The following MRPL16 variants were observed in gnomAD, a reference collection of about 807,000 sequenced individuals.
MRPL16 encodes mitochondrial ribosomal protein L16, also known as large ribosomal subunit protein uL16m.
MRPL16 carries 17 observed loss-of-function variants against 22.7 expected under a neutral mutation model. The observed-to-expected ratio is 0.75, with a 90% CI of 0.51 to 1.12. The LOEUF (loss-of-function observed/expected upper bound fraction) is 1.12, where lower values mean the gene tolerates loss of function less well. Ranked by LOEUF, MRPL16 falls within the 50% of genes most tolerant of loss-of-function variation. The pLI, the probability that MRPL16 is intolerant of heterozygous loss-of-function variation, is 0.00. For synonymous variants in MRPL16, 103 were observed against 112.8 expected (o/e 0.91, Z 0.55); for missense variants, 316 against 328.7 (o/e 0.96, Z 0.30).
chr11:59,808,456 A>C lies in MRPL16; in HGVS notation c.122-607T>G, dbSNP rs540295443. On this transcript the variant is annotated intron_variant, in intron 2 of 3. Coordinates refer to ENST00000300151, the MANE Select transcript of MRPL16 (RefSeq NM_017840.4). Reference sequence around the variant, plus strand: ...TGAATTACCAGAAAGTGAACACATGAACACACACCACTATTACCCAGATCA... The same window carrying C: ...TGAATTACCAGAAAGTGAACACATGCACACACACCACTATTACCCAGATCA... Among the ~76,000 whole-genome samples, 16 of 152,270 alleles carry C rather than the reference A, an allele frequency of 1.1e-4. No homozygotes were observed. In the South Asian group the frequency reaches 3.3e-3, roughly 32 times the overall value.
chr11:59,808,822 T>G (rs1866140570), intron 2 of MRPL16: 1 of 152,188 alleles, frequency 6.6e-6, no homozygotes, highest in Admixed American at 6.5e-5. Flanking sequence ...TGCCAGGTTT[T>G]GGTGGGTGGG....
chr11:59,806,682 C>T lies in MRPL16; in HGVS notation c.421G>A (p.Gly141Arg). ...ITRKSVGHRM[G>R]GGKGAIDHYV... ...TGGTCAATAGCACCTTTGCCTCCCC[C>T]CATGCGATGCCCAACACTTTTGCGA... Residue 141 changes from glycine to arginine, a missense_variant, in exon 4 of 4, where the codon GGG becomes AGG. Physicochemically the swap from Gly to Arg is moderately radical, Grantham distance 125. Transcript: ENST00000300151. 6.2e-7 allele frequency: 1 copy of T among 1,614,184 alleles called. No homozygotes were observed. The highest frequency in any genetic ancestry group is 8.5e-7 in the Non-Finnish European group (1 of 1,180,034).
At chr11:59,807,489 C>G (rs184658129) in intron 3 of MRPL16, 2 of 390,664 alleles carry the variant, frequency 5.1e-6, no homozygotes, top group Non-Finnish European at 9.0e-6. Context: ...TCTGCTTTTA[C>G]GTTATTTTCA....
chr11:59,807,725 A>T lies in MRPL16; in HGVS notation c.246T>A (p.Phe82Leu). 1.2e-6 allele frequency: 2 copies of T among 1,610,796 alleles called. No individual in the cohort carries two copies. Among genetic ancestry groups the T allele is most frequent in the South Asian group, 1.1e-5 (1 of 89,998 alleles). The change falls in exon 3 of 4, where the codon TTT (phenylalanine) becomes TTA (leucine). Residue 82 changes from phenylalanine to leucine, a missense_variant. Physicochemically the swap from Phe to Leu is conservative, Grantham distance 22. Transcript: ENST00000300151. ...CCAAGATTGCAAAATTGCCTTCTGT[A>T]AACTCCGTAGCTTCAGTGGAAGGTC... ...IRGPSTEATE[F>L]TEGNFAILAL...
Position 59,806,564 on chromosome 11 carries a change from G to A in MRPL16, c.539C>T (p.Ala180Val). ...EEVQGFLDQV[A>V]HKLPFAAKAV... ...CTTTGCTGCGAAGGGCAACTTGTGG[G>A]CAACCTGGTCAAGGAAACCTTGCAC... is the stretch of plus-strand genomic sequence containing the variant. The change falls in exon 4 of 4, where the codon GCC becomes GTC. Residue 180 changes from alanine to valine, a missense_variant. By Grantham distance (64) the Ala-to-Val change is moderately conservative (BLOSUM62 0). Transcript: ENST00000300151. The A allele has an allele frequency of 1.9e-6, 3 of 1,614,232 alleles. No individual in the cohort carries two copies. The highest frequency in any genetic ancestry group is 2.5e-6 in the Non-Finnish European group (3 of 1,180,044).
rs760010344 is a variant in MRPL16, at chr11:59,810,673, G to A, written c.-15C>T. ...AGCCTCCACATGGTCACGGGCGTCC[G>A]GCGGCGCGGAGCTCCCCCAGCGACT... On this transcript the variant is annotated 5_prime_UTR_variant, in exon 1 of 4. Transcript: ENST00000300151. The A allele has an allele frequency of 8.7e-6, 14 of 1,613,680 alleles. No individual in the cohort carries two copies. The highest frequency in any genetic ancestry group is 1.1e-5 in the Non-Finnish European group (13 of 1,179,804).
chr11:59,806,568 C>T lies in MRPL16; in HGVS notation c.535G>A (p.Val179Ile). ...GCTGCGAAGGGCAACTTGTGGGCAA[C>T]CTGGTCAAGGAAACCTTGCACTTCT... ...FEEVQGFLDQ[V>I]AHKLPFAAKA... Residue 179 changes from valine (V) to isoleucine (I), a missense_variant, in exon 4 of 4, where the codon GTT becomes ATT. Physicochemically the swap from Val to Ile is conservative, Grantham distance 29 (BLOSUM62 3). Transcript: ENST00000300151. The T allele has an allele frequency of 1.2e-6, 2 of 1,614,254 alleles. No individual in the cohort carries two copies. Among genetic ancestry groups the T allele is most frequent in the Non-Finnish European group, 8.5e-7 (1 of 1,180,046 alleles).
rs770572958 is a variant in MRPL16, at chr11:59,806,334, T to C, written c.*13A>G. On this transcript the variant is annotated 3_prime_UTR_variant, in exon 4 of 4. Transcript: ENST00000300151. ...TCTTTCAGTAGCCTATATACAGTTA[T>C]CTCCTACACTCACTACACACGTTTG... 4.3e-6 allele frequency: 7 copies of C among 1,610,638 alleles called. No individual in the cohort carries two copies. The South Asian group carries it at 4.4e-5, about 10-fold the overall frequency.
At position 59,807,724 on chromosome 11, in the gene MRPL16, TA is replaced by T; in HGVS notation, c.246del (p.Phe82LeufsTer23). The T allele has an allele frequency of 6.2e-7, 1 of 1,610,864 alleles. No individual in the cohort carries two copies. Among genetic ancestry groups the T allele is most frequent in the Non-Finnish European group, 8.5e-7 (1 of 1,178,928 alleles). On this transcript the variant is annotated frameshift_variant, in exon 3 of 4. Transcript: ENST00000300151. LOFTEE classifies it high-confidence loss of function. Reference sequence around the variant, plus strand: ...ACCAAGATTGCAAAATTGCCTTCTGTAAACTCCGTAGCTTCAGTGGAAGGTC... The same window carrying T: ...ACCAAGATTGCAAAATTGCCTTCTGTAACTCCGTAGCTTCAGTGGAAGGTC... ...IRGPSTEATE[F>X]TEGNFAILAL...
intron 2 of MRPL16, among the ~76,000 whole-genome samples, 162 bp from the exon 3 acceptor site, chr11:59,808,011 T>C (rs1400219861): frequency 1.3e-5 from 2 of 152,224 alleles, no homozygotes. Flanking sequence ...TTCAAACTCC[T>C]GGCCTCAAGT....
intron 2 of MRPL16, 25 bp downstream of exon 2, chr11:59,809,830 G>C (rs1866154859): frequency 1.3e-6 from 2 of 1,597,656 alleles, no homozygotes; most frequent in Non-Finnish European, 1.7e-6. Flanking sequence ...AAAGATTTAC[G>C]AACAGGAGAA....
chr11:59,809,544 C>A, intron 2 of MRPL16: 1 of 313,104 alleles, frequency 3.2e-6, no homozygotes, highest in South Asian at 3.2e-5. Flanking sequence ...CATGCCCGCT[C>A]AAAAATCCAG....
intron 3 of MRPL16, 151 bp from the exon 4 acceptor site, chr11:59,806,983 G>A (rs896685473): frequency 5.9e-6 from 7 of 1,195,414 alleles, no homozygotes; most frequent in Non-Finnish European, 8.0e-6. Context: ...AAAAGCCTAG[G>A]GTACACAGTA....
At chr11:59,810,468 C>T in intron 1 of MRPL16, 136 bp downstream of exon 1, 5 of 1,493,542 alleles carry the variant, frequency 3.3e-6, no homozygotes, top group Non-Finnish European at 4.5e-6. Context: ...TGGAGGTCGG[C>T]GGTGCGATAG....
rs770482511 is a variant in MRPL16 at position 59,806,771 on chromosome 11, C to T, written c.332G>A (p.Arg111His). 26 of 1,613,574 alleles carry T rather than the reference C, an allele frequency of 1.6e-5. No homozygotes were observed. In the East Asian group the frequency reaches 1.8e-4, roughly 11 times the overall value. The change falls in exon 4 of 4, where the codon CGC becomes CAC. Residue 111 changes from arginine (R) to histidine (H), a missense_variant. Physicochemically the swap from Arg to His is conservative, Grantham distance 29 (BLOSUM62 0). Transcript: ENST00000300151. Reference sequence around the variant, plus strand: ...AAACATGTTCTTGGGGTCCATAGAGCGGTTGATTGTCAGGCGCATCATTTC... The same window carrying T: ...AAACATGTTCTTGGGGTCCATAGAGTGGTTGATTGTCAGGCGCATCATTTC... ...HFEMMRLTIN[R>H]SMDPKNMFAI...
In MRPL16 at chr11:59,806,557, C is replaced by T; in HGVS notation, c.546G>A (p.Lys182=). The T allele has an allele frequency of 6.2e-7, 1 of 1,614,248 alleles. No homozygotes were observed. The highest frequency in any genetic ancestry group is 8.5e-7 in the Non-Finnish European group (1 of 1,180,048). The change falls in exon 4 of 4, where the codon AAG becomes AAA. Residue 182 remains lysine, a synonymous_variant. Coordinates refer to ENST00000300151, the MANE Select transcript of MRPL16 (RefSeq NM_017840.4). The part of the protein sequence containing the change: ...VQGFLDQVAH[K]LPFAAKAVSR... ...TCACAGCCTTTGCTGCGAAGGGCAA[C>T]TTGTGGGCAACCTGGTCAAGGAAAC... is the stretch of plus-strand genomic sequence containing the variant.
rs59681171 is a variant in MRPL16 at position 59,810,736 on chromosome 11, C to T, written c.-78G>A. On this transcript the variant is annotated 5_prime_UTR_variant, in exon 1 of 4. Coordinates refer to ENST00000300151, the MANE Select transcript of MRPL16 (RefSeq NM_017840.4). The stretch of plus-strand genomic sequence containing the variant: ...TGCACCCAGGTAAGCAGCGGCGCTC[C>T]ACTACCTAGCTGTAATCGGCTCAGG... 9,007 of 1,546,028 alleles carry T rather than the reference C, an allele frequency of 5.8e-3. 425 individuals carry two copies. The African/African-American group carries it at 0.098, about 17-fold the overall frequency.
rs1441094024 is a variant in MRPL16, at chr11:59,810,368, C to T, written c.55+236G>A. ...GGATGCGGATTCCACTAAATGGACT[C>T]AAAGGCTCAGGCTCCGCAAAAGGCC... is the stretch of plus-strand genomic sequence containing the variant. On this transcript the variant is annotated intron_variant, in intron 1 of 3. Coordinates refer to ENST00000300151, the MANE Select transcript of MRPL16 (RefSeq NM_017840.4). 12 of 1,386,360 alleles carry T rather than the reference C, an allele frequency of 8.7e-6. No homozygotes were observed. In the East Asian group the frequency reaches 2.8e-4, roughly 32 times the overall value. 85.9% of individuals were successfully genotyped at this position (1,386,360 alleles called of 1,614,324 possible).
chr11:59,810,461 A>C (rs1866162431), intron 1 of MRPL16, 143 bp downstream of exon 1: 2 of 1,490,366 alleles, frequency 1.3e-6, no homozygotes, highest in Non-Finnish European at 1.8e-6. Context: ...CCTACGGTGG[A>C]GGTCGGCGGT....
Sources: gnomAD v4.1 joint callset for allele counts (sites outside exome capture counted in the v4.1 genomes callset) on GRCh38, gnomAD v4.1.1 for gene constraint, MANE v1.5 for transcripts, NCBI Gene and HGNC (gene_info 2026-07-23, HGNC 2026-07-21) for gene names.